DLGAP1: variants seen among roughly 807,000 people sequenced by gnomAD.
The protein encoded by DLGAP1 is DLG associated protein 1.
DLGAP1 carries 11 observed loss-of-function variants against 90.8 expected under a neutral mutation model. The ratio of observed to expected loss-of-function variants is 0.12; its 90% CI spans 0.08 to 0.20. The LOEUF is 0.20. Among genes scored for constraint, DLGAP1 ranks in the 10% least tolerant of loss-of-function variants. The pLI is 1.00. For synonymous variants in DLGAP1, 558 were observed against 540.7 expected (o/e 1.03, Z -0.44); for missense variants, 1,050 against 1,333.8 (o/e 0.79, Z 3.31).
At position 3,918,963 on chromosome 18, in the gene DLGAP1, C is replaced by T. The variant is rs375331384; in HGVS notation, c.-72-38823G>A. 7.9e-4 allele frequency among the ~76,000 whole-genome samples: 120 copies of T among 152,290 alleles called. 3 individuals carry two copies. The South Asian group carries it at 0.016, about 21-fold the overall frequency. On this transcript the variant is annotated intron_variant, in intron 3 of 12. Coordinates refer to ENST00000315677, the MANE Select transcript of DLGAP1 (RefSeq NM_004746.4). ...CCAGCACGGATCTACACAGGCTTCT[C>T]AAGAGATACACACAGTCTATCGGAA... is the stretch of plus-strand genomic sequence containing the variant.
At chr18:3,560,638 G>A (rs1401834716) in intron 9 of DLGAP1, among the ~76,000 whole-genome samples, 1 of 148,670 alleles carries the variant, frequency 6.7e-6, no homozygotes, top group Non-Finnish European at 1.5e-5. Flanking sequence ...AATGAGCACT[G>A]GCAGCAAGCT....
chr18:3,567,415 C>A, intron 9 of DLGAP1, 75 bp downstream of exon 9: 1 of 1,270,828 alleles, frequency 7.9e-7, no homozygotes, highest in Non-Finnish European at 1.1e-6. Flanking sequence ...ATTTTGTAGA[C>A]TTATCACGGG....
intron 1 of DLGAP1, among the ~76,000 whole-genome samples, chr18:4,421,323 C>T (rs1391155735): frequency 6.6e-6 from 1 of 152,084 alleles, no homozygotes; most frequent in Non-Finnish European, 1.5e-5. Flanking sequence ...CTCCCTCAAT[C>T]TTTCAACTCT....
chr18:4,388,845 A>G (rs73386824), intron 1 of DLGAP1, among the ~76,000 whole-genome samples: 6,410 of 152,248 alleles, frequency 0.042, 424 homozygotes, highest in African/African-American at 0.15. Flanking sequence ...TATCAAAACA[A>G]AAACAAAAAA....
intron 5 of DLGAP1, among the ~76,000 whole-genome samples, chr18:3,760,361 G>A (rs1479243456): frequency 6.6e-6 from 1 of 152,220 alleles, no homozygotes; most frequent in Non-Finnish European, 1.5e-5. Flanking sequence ...TGGGTGACAG[G>A]AGGCAAGTGG....
intron 4 of DLGAP1, among the ~76,000 whole-genome samples, chr18:3,846,345 G>T (rs112346995): frequency 3.3e-4 from 50 of 152,226 alleles, no homozygotes; most frequent in African/African-American, 1.2e-3. Flanking sequence ...AAGCACAGGT[G>T]CATTTAATAA....
Position 4,137,385 on chromosome 18 carries a change from T to C in DLGAP1, c.-159+13795A>G, listed in dbSNP as rs534534867. 2.6e-5 allele frequency among the ~76,000 whole-genome samples: 4 copies of C among 152,330 alleles called. No individual in the cohort carries two copies. The East Asian group carries it at 7.7e-4, about 29-fold the overall frequency. Reference sequence around the variant, plus strand: ...GCACCATTTATTGAAGAGACTGTTCTATCTCCAATATATGTTCTTGGTACC... The same window carrying C: ...GCACCATTTATTGAAGAGACTGTTCCATCTCCAATATATGTTCTTGGTACC... On this transcript the variant is annotated intron_variant, in intron 2 of 12. Transcript: ENST00000315677.
intron 4 of DLGAP1, among the ~76,000 whole-genome samples, chr18:3,851,453 T>C (rs1437834412): frequency 6.6e-6 from 1 of 152,170 alleles, no homozygotes; most frequent in South Asian, 2.1e-4. Context: ...GAAACAATTG[T>C]AGCAGCAGCA....
intron 3 of DLGAP1, among the ~76,000 whole-genome samples, chr18:3,945,501 T>A (rs2072858848): frequency 6.6e-6 from 1 of 152,122 alleles, no homozygotes; most frequent in Non-Finnish European, 1.5e-5. Flanking sequence ...GTTCTAATAG[T>A]TATGTGGAGA....
chr18:4,154,108 G>A lies in DLGAP1; in HGVS notation c.-266-2821C>T, dbSNP rs55733229. Among the ~76,000 whole-genome samples the A allele has an allele frequency of 3.9e-3, 586 of 152,188 alleles. 2 individuals carry two copies. Among genetic ancestry groups the A allele is most frequent in the Non-Finnish European group, 6.6e-3 (452 of 68,014 alleles). On this transcript the variant is annotated intron_variant, in intron 1 of 12. Transcript: ENST00000315677. The stretch of plus-strand genomic sequence containing the variant: ...GACGGAATCTTGCTCTGTCATCCAG[G>A]CTGGAGTGCAGTGGTGCGATCATAG...
At chr18:3,505,363 G>A (rs2050155432) in intron 11 of DLGAP1, among the ~76,000 whole-genome samples, 1 of 152,152 alleles carries the variant, frequency 6.6e-6, no homozygotes, top group Non-Finnish European at 1.5e-5. Context: ...ATCGGGCCGG[G>A]CGAGTTGGCT....
intron 1 of DLGAP1, among the ~76,000 whole-genome samples, chr18:4,329,167 A>C (rs563176578): frequency 3.9e-5 from 6 of 152,080 alleles, no homozygotes; most frequent in South Asian, 2.1e-4. Context: ...ATAGCTCTAT[A>C]AACCAGTTTG....
In DLGAP1 at chr18:3,526,279, G is replaced by C. The variant is rs1190756177; in HGVS notation, c.2479+7915C>G. On this transcript the variant is annotated intron_variant, in intron 10 of 12. Coordinates refer to ENST00000315677, the MANE Select transcript of DLGAP1 (RefSeq NM_004746.4). This position sits in a 1 kb window ranked among gnomAD's most constrained non-coding sequence, Gnocchi z 4.7. ...TTGCAGAACTCACAGATACAGCTTT[G>C]TCTGCCACCCACTGTTTCACAGGCC... Among the ~76,000 whole-genome samples the C allele has an allele frequency of 6.6e-6, 1 of 152,180 alleles. No individual in the cohort carries two copies. The highest frequency in any genetic ancestry group is 1.5e-5 in the Non-Finnish European group (1 of 68,036).
intron 2 of DLGAP1, among the ~76,000 whole-genome samples, chr18:4,142,746 G>A (rs1018437503): frequency 6.6e-6 from 1 of 152,114 alleles, no homozygotes; most frequent in African/African-American, 2.4e-5. Flanking sequence ...TGCTCTCCAG[G>A]TATTGGTATT....
chr18:3,609,990 G>A (rs547452441), intron 7 of DLGAP1, among the ~76,000 whole-genome samples: 5 of 151,422 alleles, frequency 3.3e-5, no homozygotes, highest in African/African-American at 1.2e-4. Context: ...CCTGGGAGGC[G>A]GAGGTTGCAG....
At chr18:3,752,896 A>G (rs1446160220) in intron 5 of DLGAP1, among the ~76,000 whole-genome samples, 1 of 152,100 alleles carries the variant, frequency 6.6e-6, no homozygotes, top group Non-Finnish European at 1.5e-5. Context: ...ATTGCACCGT[A>G]TGAATATACA....
At chr18:4,379,080 G>A (rs2082069493) in intron 1 of DLGAP1, among the ~76,000 whole-genome samples, 1 of 152,094 alleles carries the variant, frequency 6.6e-6, no homozygotes, top group South Asian at 2.1e-4. Flanking sequence ...AACTAACAGA[G>A]TCAAGACTGA....
chr18:4,184,704 A>G (rs922158334), intron 1 of DLGAP1, among the ~76,000 whole-genome samples: 1 of 151,968 alleles, frequency 6.6e-6, no homozygotes, highest in African/African-American at 2.4e-5. Context: ...ATGAGTTTTT[A>G]TTTTTATTTT....
chr18:3,863,230 G>A (rs968133050), intron 4 of DLGAP1, among the ~76,000 whole-genome samples: 5 of 152,166 alleles, frequency 3.3e-5, no homozygotes, highest in African/African-American at 1.2e-4. Context: ...TGGGACAGCA[G>A]AGAACTAGAC....
Sources: allele counts gnomAD v4.1 joint callset (sites outside exome capture counted in the v4.1 genomes callset), GRCh38; gene constraint gnomAD v4.1.1; non-coding constraint Gnocchi (gnomAD v3.1); transcripts MANE v1.5; gene names NCBI Gene and HGNC (gene_info 2026-07-23, HGNC 2026-07-21).